The following QTGAL variants were observed in gnomAD, a reference collection of about 807,000 sequenced individuals.
The protein encoded by QTGAL is queuosine-tRNA galactosyltransferase.
the QTGAL span, among the ~76,000 whole-genome samples, chr17:83,042,610 A>C: frequency 6.6e-6 from 1 of 152,222 alleles, no homozygotes; most frequent in Admixed American, 6.5e-5. Context: ...ATTAAACAGA[A>C]AAGAAGGTAG....
At chr17:82,958,834 T>TGTGTGTGTGTGTACACTGGGGGTGTATG in the QTGAL span, among the ~76,000 whole-genome samples, 10 of 134,196 alleles carry the variant, frequency 7.5e-5, no homozygotes, top group Non-Finnish European at 1.3e-4. Flanking sequence ...GTGTATGGTG[T>TGTGTGTGTGTGTACACTGGGGGTGTATG]GTGTGTGTGT....
the QTGAL span, chr17:82,965,538 T>G: frequency 9.3e-7 from 1 of 1,079,742 alleles, no homozygotes; most frequent in Non-Finnish European, 1.3e-6. Context: ...TTCCTAAATC[T>G]GCAGAGCCCC....
the QTGAL span, among the ~76,000 whole-genome samples, chr17:83,011,658 C>A: frequency 1.6e-4 from 25 of 152,284 alleles, no homozygotes; most frequent in South Asian, 5.2e-3. Context: ...ACGGGGTGGA[C>A]GCTCCACCTA....
chr17:83,026,701 C>A, the QTGAL span, among the ~76,000 whole-genome samples: 2 of 131,128 alleles, frequency 1.5e-5, no homozygotes, highest in African/African-American at 2.8e-5. Context: ...ACAAACCCAC[C>A]CTCGACAGAC....
the QTGAL span, among the ~76,000 whole-genome samples, chr17:82,995,869 A>T: frequency 6.6e-6 from 1 of 152,222 alleles, no homozygotes; most frequent in Non-Finnish European, 1.5e-5. Flanking sequence ...AATCTCATTT[A>T]CAATAGTGAT....
the QTGAL span, among the ~76,000 whole-genome samples, chr17:82,970,062 G>C: frequency 6.6e-6 from 1 of 152,208 alleles, no homozygotes; most frequent in African/African-American, 2.4e-5. Context: ...CAGTTCTATG[G>C]GATAACTTCG....
the QTGAL span, among the ~76,000 whole-genome samples, chr17:82,962,225 A>C: frequency 6.6e-6 from 1 of 152,222 alleles, no homozygotes; most frequent in Non-Finnish European, 1.5e-5. Flanking sequence ...CTCCCAGGAC[A>C]GACAGGCAGT....
At chr17:83,006,952 G>T in the QTGAL span, 1 of 497,448 alleles carries the variant, frequency 2.0e-6, no homozygotes, top group Non-Finnish European at 2.6e-6. The surrounding 1 kb of genome is among the most constrained non-coding windows in gnomAD (Gnocchi z 5.8). Context: ...CCTCAGTGAT[G>T]CATGAGGATC....
the QTGAL span, among the ~76,000 whole-genome samples, chr17:83,041,279 C>T: frequency 6.6e-6 from 1 of 151,800 alleles, no homozygotes; most frequent in Non-Finnish European, 1.5e-5. Flanking sequence ...AACATATGCA[C>T]AATGCAAGTA....
At chr17:83,023,725 C>T in the QTGAL span, among the ~76,000 whole-genome samples, 10 of 152,298 alleles carry the variant, frequency 6.6e-5, no homozygotes, top group African/African-American at 2.4e-4. Flanking sequence ...TAAACGCATG[C>T]TGGGGAGGCG....
chr17:83,035,078 G>C, the QTGAL span: 1 of 1,612,454 alleles, frequency 6.2e-7, no homozygotes, highest in Non-Finnish European at 8.5e-7. Context: ...CTGGGCAACT[G>C]CTTGATTTTT....
the QTGAL span, chr17:82,946,863 C>G: frequency 1.3e-6 from 2 of 1,516,246 alleles, no homozygotes; most frequent in South Asian, 1.2e-5. Flanking sequence ...GATGGTTCTT[C>G]GGTGAAAAGA....
At chr17:83,026,087 AG>A in the QTGAL span, among the ~76,000 whole-genome samples, 1 of 152,236 alleles carries the variant, frequency 6.6e-6, no homozygotes, top group Non-Finnish European at 1.5e-5. Context: ...CACATGGCCA[AG>A]AACAGAAGAC....
At chr17:83,005,763 G>A in the QTGAL span, 2 of 883,218 alleles carry the variant, frequency 2.3e-6, 1 homozygote, top group South Asian at 3.2e-5. The surrounding 1 kb of genome is among the most constrained non-coding windows in gnomAD (Gnocchi z 5.6). Flanking sequence ...TGCCTCAGGT[G>A]ACATCCTGTC....
At chr17:83,036,887 G>A in the QTGAL span, among the ~76,000 whole-genome samples, 1 of 152,132 alleles carries the variant, frequency 6.6e-6, no homozygotes, top group Non-Finnish European at 1.5e-5. Flanking sequence ...GAAGGCTTCT[G>A]AACAAGGAGT....
At chr17:83,006,021 C>T in the QTGAL span, 46 of 1,046,516 alleles carry the variant, frequency 4.4e-5, no homozygotes, top group African/African-American at 4.7e-4. The surrounding 1 kb of genome is among the most constrained non-coding windows in gnomAD (Gnocchi z 5.8). Flanking sequence ...GGCACCTGGG[C>T]GCGTCCGTAG....
the QTGAL span, among the ~76,000 whole-genome samples, chr17:83,027,192 A>ACG: frequency 2.6e-5 from 4 of 151,740 alleles, no homozygotes; most frequent in African/African-American, 9.7e-5. Context: ...CTTGACAGAC[A>ACG]CAGAGCAGGG....
At chr17:83,005,662 A>G in the QTGAL span, 9 of 703,976 alleles carry the variant, frequency 1.3e-5, no homozygotes, top group Admixed American at 6.0e-5. This position sits in a 1 kb window ranked among gnomAD's most constrained non-coding sequence, Gnocchi z 5.6. Context: ...AGCTCAGGAA[A>G]GCAGCGTCCC....
the QTGAL span, among the ~76,000 whole-genome samples, chr17:83,020,749 G>A: frequency 2.0e-5 from 3 of 152,208 alleles, no homozygotes; most frequent in Non-Finnish European, 4.4e-5. Flanking sequence ...GGCCACGGCC[G>A]CATGGCACTC....
Sources: allele counts gnomAD v4.1 joint callset (sites outside exome capture counted in the v4.1 genomes callset), GRCh38; gene constraint gnomAD v4.1.1; non-coding constraint Gnocchi (gnomAD v3.1); transcripts MANE v1.5; gene names NCBI Gene and HGNC (gene_info 2026-07-23, HGNC 2026-07-21).